ZNF496: variants seen among roughly 807,000 people sequenced by gnomAD.
ZNF496 encodes NSD1 (nuclear receptor binding SET-domain containing 1)-interacting zinc finger protein 1.
ZNF496 carries 11 observed loss-of-function variants against 58.9 expected under a neutral mutation model. That is an observed-to-expected ratio of 0.19 (90% confidence interval 0.12 to 0.31). The LOEUF (loss-of-function observed/expected upper bound fraction) is 0.31. Ranked by LOEUF, ZNF496 falls within the 10% of genes least tolerant of loss-of-function variation. The pLI is 1.00. For synonymous variants in ZNF496, 338 were observed against 318.2 expected (o/e 1.06, Z -0.66); for missense variants, 660 against 783.0 (o/e 0.84, Z 1.88).
chr1:247,308,613 AT>A lies in ZNF496; in HGVS notation c.893-26del, dbSNP rs1373792185. The A allele has an allele frequency of 1.1e-5, 17 of 1,608,756 alleles. No homozygotes were observed. Among genetic ancestry groups the A allele is most frequent in the Non-Finnish European group, 1.4e-5 (17 of 1,175,366 alleles). On this transcript the variant is annotated intron_variant, in intron 8 of 9. Transcript: ENST00000682384. The surrounding 1 kb of genome is among the most constrained non-coding windows in gnomAD (Gnocchi z 4.5). ...TCTTTCCAGAGGAGGAAATGGAAAA[AT>A]TGATTTGTTTTGCACCTACAGCACT...
rs753375183 is a variant in ZNF496, at chr1:247,300,954, C to G, written c.1329G>C (p.Leu443=). 3 of 1,613,852 alleles carry G rather than the reference C, an allele frequency of 1.9e-6. No individual in the cohort carries two copies. In the African/African-American group the frequency reaches 4.0e-5, roughly 22 times the overall value. The change falls in exon 10 of 10, where the codon CTG becomes CTC. Residue 443 remains leucine (L), a synonymous_variant. Transcript: ENST00000682384. The surrounding 1 kb of genome is among the most constrained non-coding windows in gnomAD (Gnocchi z 5.7). ...KPHECSVCGE[L]FSDSEDLDGH... is the part of the protein sequence containing the mutation. ...CATCCAGGTCCTCGCTGTCGCTGAA[C>G]AGCTCCCCGCACACCGAGCACTCGT...
In ZNF496 at chr1:247,329,222, T is replaced by C. The variant is rs148606874; in HGVS notation, c.357A>G (p.Ala119=). 2 of 1,613,488 alleles carry C rather than the reference T, an allele frequency of 1.2e-6. No homozygotes were observed. Among genetic ancestry groups the C allele is most frequent in the Admixed American group, 1.7e-5 (1 of 60,016 alleles). Residue 119 remains alanine (A), a synonymous_variant, in exon 4 of 10, where the codon GCA becomes GCG. Transcript: ENST00000682384. This position sits in a 1 kb window ranked among gnomAD's most constrained non-coding sequence, Gnocchi z 5.5. ...AGGGTCTCCCGGGCTCCCGTTCCAG[T>C]GCCTCCACCGCGGCCACAGCCTGCT... is the stretch of plus-strand genomic sequence containing the variant. ...SGEQAVAAVE[A]LEREPGRPWQ... is the part of the protein sequence containing the mutation.
chr1:247,318,263 A>C (rs1405746693), intron 6 of ZNF496, among the ~76,000 whole-genome samples: 1 of 152,220 alleles, frequency 6.6e-6, no homozygotes, highest in Non-Finnish European at 1.5e-5. Flanking sequence ...CAAGAGATCT[A>C]AAACCTGTAT....
At position 247,301,169 on chromosome 1, in the gene ZNF496, T is replaced by C. The variant is rs528656471; in HGVS notation, c.1114A>G (p.Thr372Ala). ...DEDSQHGPYCTEELGSPTEKQ... is the reference protein window; with the variant it reads ...DEDSQHGPYCAEELGSPTEKQ... The stretch of plus-strand genomic sequence containing the variant: ...TCTGTGGGGCTCCCCAGCTCTTCTG[T>C]GCAGTACGGGCCATGCTGGGAGTCC... Residue 372 changes from threonine (T) to alanine (A), a missense_variant, in exon 10 of 10, where the codon ACA (threonine) becomes GCA (alanine). Coordinates refer to ENST00000682384, the MANE Select transcript of ZNF496 (RefSeq NM_032752.3). 6.2e-7 allele frequency: 1 copy of C among 1,611,058 alleles called. No homozygotes were observed. Among genetic ancestry groups the C allele is most frequent in the African/African-American group, 1.3e-5 (1 of 74,792 alleles).
Position 247,328,725 on chromosome 1 carries a change from C to T in ZNF496, c.532G>A (p.Gly178Arg). Residue 178 changes from glycine (G) to arginine (R), a missense_variant, in exon 5 of 10, where the codon GGG becomes AGG. Gly to Arg is a moderately radical substitution (Grantham distance 125). Coordinates refer to ENST00000682384, the MANE Select transcript of ZNF496 (RefSeq NM_032752.3). The part of the protein sequence containing the change: ...AQPITLAQCL[G>R]LPSRPPSQLS... ...TGGCTTGGTGGTCTGCTTGGGAGCC[C>T]CAGGCACTGTGCCAGGGTTATGGGC... 2 of 1,610,220 alleles carry T rather than the reference C, an allele frequency of 1.2e-6. No homozygotes were observed. Among genetic ancestry groups the T allele is most frequent in the South Asian group, 1.1e-5 (1 of 90,524 alleles).
chr1:247,300,417 GCT>G lies in ZNF496; in HGVS notation c.*100_*101del. Reference sequence around the variant, plus strand: ...GAGAGCAAGGACAGGAGGGAGGTGTGCTCTCTATCCTGGGGAAGGTATGTCCT... The same window carrying G: ...GAGAGCAAGGACAGGAGGGAGGTGTGCTCTATCCTGGGGAAGGTATGTCCT... On this transcript the variant is annotated 3_prime_UTR_variant, in exon 10 of 10. Transcript: ENST00000682384. This position sits in a 1 kb window ranked among gnomAD's most constrained non-coding sequence, Gnocchi z 5.7. 1 of 1,302,164 alleles carries G rather than the reference GCT, an allele frequency of 7.7e-7. No individual in the cohort carries two copies. Among genetic ancestry groups the G allele is most frequent in the Admixed American group, 2.6e-5 (1 of 38,812 alleles). The allele number at this position is 1,302,164 out of a possible 1,614,324, so 80.7% of individuals were successfully genotyped here.
chr1:247,321,045 G>A (rs939352261), intron 6 of ZNF496, among the ~76,000 whole-genome samples: 2 of 152,050 alleles, frequency 1.3e-5, no homozygotes, highest in African/African-American at 2.4e-5. Context: ...GCGTGGTTGC[G>A]GGTGCCTGTA....
At chr1:247,317,533 C>T (rs561025742) in intron 6 of ZNF496, among the ~76,000 whole-genome samples, 6 of 151,944 alleles carry the variant, frequency 3.9e-5, no homozygotes, top group South Asian at 2.1e-4. Flanking sequence ...AGGCCAAATG[C>T]GGAGCTGGGA....
intron 6 of ZNF496, among the ~76,000 whole-genome samples, chr1:247,314,847 A>C (rs1659720847): frequency 1.3e-5 from 2 of 152,034 alleles, no homozygotes; most frequent in Non-Finnish European, 2.9e-5. Flanking sequence ...CCCAGGTTCA[A>C]ATGATTTTTG....
chr1:247,325,608 T>G (rs898428132), intron 5 of ZNF496, among the ~76,000 whole-genome samples: 1 of 152,196 alleles, frequency 6.6e-6, no homozygotes, highest in Non-Finnish European at 1.5e-5. Context: ...CTCCAGAATT[T>G]ATTCATCTTA....
chr1:247,328,098 T>C (rs1284509855), intron 5 of ZNF496, among the ~76,000 whole-genome samples: 1 of 152,174 alleles, frequency 6.6e-6, no homozygotes, highest in Admixed American at 6.5e-5. Context: ...AACCAGAAGA[T>C]TCAAATCTAA....
At chr1:247,324,327 G>T (rs7418221) in intron 5 of ZNF496, among the ~76,000 whole-genome samples, 2 of 151,942 alleles carry the variant, frequency 1.3e-5, no homozygotes, top group South Asian at 2.1e-4. Context: ...GAGGGGACTG[G>T]GGAGACATTG....
rs1245511154 is a variant in ZNF496 at position 247,331,537 on chromosome 1, C to A, written c.-259G>T. ...CTCCCAGCCCGCCCGGCCGGGCGTA[C>A]TCGCTGAGGCGGGGTCTCCGCAGGC... On this transcript the variant is annotated 5_prime_UTR_variant, in exon 2 of 10. Transcript: ENST00000682384. 1 of 152,158 alleles carries A rather than the reference C, an allele frequency of 6.6e-6. No homozygotes were observed. Among genetic ancestry groups the A allele is most frequent in the Non-Finnish European group, 1.5e-5 (1 of 68,054 alleles). The allele number at this position is 152,158 out of a possible 1,614,324, so 9.4% of individuals were successfully genotyped here. A position where few individuals can be genotyped will look rare whatever the true frequency, so the allele number is the denominator to read the frequency against.
At chr1:247,303,455 G>C (rs1659310535) in intron 9 of ZNF496, among the ~76,000 whole-genome samples, 2 of 152,220 alleles carry the variant, frequency 1.3e-5, no homozygotes, top group Non-Finnish European at 1.5e-5. Flanking sequence ...AGTGATTTTA[G>C]AACTAGGTCA....
chr1:247,299,063 G>C lies in ZNF496; in HGVS notation c.*1456C>G, dbSNP rs184099952. 6.6e-6 allele frequency: 1 copy of C among 152,354 alleles called. No homozygotes were observed. Among genetic ancestry groups the C allele is most frequent in the East Asian group, 1.9e-4 (1 of 5,186 alleles). The allele number at this position is 152,354 out of a possible 1,614,324, so 9.4% of individuals were successfully genotyped here. ...ATTGTGAGCAAGCTCACTCAAGTTTGTATTGACTCATCTGTAAATTAGGAA... is the reference window on the plus strand; with the variant it reads ...ATTGTGAGCAAGCTCACTCAAGTTTCTATTGACTCATCTGTAAATTAGGAA... On this transcript the variant is annotated 3_prime_UTR_variant, in exon 10 of 10. Coordinates refer to ENST00000682384, the MANE Select transcript of ZNF496 (RefSeq NM_032752.3).
At chr1:247,301,427 G>A (rs1452509381) in intron 9 of ZNF496, 151 bp from the exon 10 acceptor site, 3 of 916,252 alleles carry the variant, frequency 3.3e-6, no homozygotes, top group African/African-American at 3.3e-5. Context: ...AGCCCTGCAG[G>A]GGCCACTGGT....
At chr1:247,305,295 T>G (rs920373777) in intron 9 of ZNF496, among the ~76,000 whole-genome samples, 1 of 152,192 alleles carries the variant, frequency 6.6e-6, no homozygotes, top group Non-Finnish European at 1.5e-5. Flanking sequence ...AAAGAGCTAT[T>G]GGTCTAACTG....
chr1:247,313,885 T>G (rs907821570), intron 6 of ZNF496: 1 of 152,178 alleles, frequency 6.6e-6, no homozygotes, highest in African/African-American at 2.4e-5. Context: ...AAAACACCTG[T>G]GCATGATGGA....
Position 247,328,692 on chromosome 1 carries a change from C to T in ZNF496, c.565G>A (p.Gly189Arg), listed in dbSNP as rs770460532. The change falls in exon 5 of 10, where the codon GGG becomes AGG. Residue 189 changes from glycine (G) to arginine (R), a missense_variant. Transcript: ENST00000682384. ...CCCCTGGGCTGCATACCTGGGTCCCCGCTGAGCTGGCTTGGTGGTCTGCTT... is the reference window on the plus strand; with the variant it reads ...CCCCTGGGCTGCATACCTGGGTCCCTGCTGAGCTGGCTTGGTGGTCTGCTT... ...LPSRPPSQLS[G>R]DPVLQDAFLL... The T allele has an allele frequency of 4.7e-5, 74 of 1,589,916 alleles. No individual in the cohort carries two copies. The East Asian group carries it at 1.1e-3, about 24-fold the overall frequency.
Sources: gnomAD v4.1 joint callset for allele counts (sites outside exome capture counted in the v4.1 genomes callset) on GRCh38, gnomAD v4.1.1 for gene constraint, Gnocchi (gnomAD v3.1) non-coding constraint, MANE v1.5 for transcripts, NCBI Gene and HGNC (gene_info 2026-07-23, HGNC 2026-07-21) for gene names.